ROS1: variants seen among roughly 807,000 people sequenced by gnomAD.
The protein encoded by ROS1 is ROS proto-oncogene 1, receptor tyrosine kinase, also known as proto-oncogene tyrosine-protein kinase ROS.
ROS1 carries 263 observed loss-of-function variants against 273.5 expected under a neutral mutation model. The ratio of observed to expected loss-of-function variants is 0.96; its 90% confidence interval spans 0.87 to 1.06. ROS1 has a LOEUF of 1.06. ROS1 is among the 50% of genes least tolerant of loss of function. The pLI, the probability that ROS1 is intolerant of heterozygous loss-of-function variation, is 0.00. For synonymous variants in ROS1, 1,008 were observed against 954.1 expected (o/e 1.06, Z -1.04); for missense variants, 2,833 against 2,751.1 (o/e 1.03, Z -0.67).
chr6:117,301,114 C>T lies in ROS1; in HGVS notation c.6575G>A (p.Trp2192Ter), dbSNP rs775088466. The T allele has an allele frequency of 6.3e-7, 1 of 1,596,726 alleles. No homozygotes were observed. Among genetic ancestry groups the T allele is most frequent in the Admixed American group, 1.8e-5 (1 of 56,630 alleles). The change falls in exon 43 of 44, where the codon TGG becomes TAG. Residue 2192 changes from tryptophan (W) to a stop codon, truncating the protein, a stop_gained. Coordinates refer to ENST00000368507, the MANE Select transcript of ROS1 (RefSeq NM_001378902.1). LOFTEE classifies it high-confidence loss of function. ...DDLWNLMTQC[W>*]AQEPDQRPTF... Reference sequence around the variant, plus strand: ...AGGTCTTTGGTCGGGTTCTTGAGCCCAGCACTGGGTCATTAAATTCCACCT... The same window carrying T: ...AGGTCTTTGGTCGGGTTCTTGAGCCTAGCACTGGGTCATTAAATTCCACCT...
chr6:117,363,213 C>A (rs1332252431), intron 21 of ROS1, among the ~76,000 whole-genome samples: 1 of 152,122 alleles, frequency 6.6e-6, no homozygotes, highest in African/African-American at 2.4e-5. Context: ...TTTATCCTGA[C>A]AGAGTGATTT....
intron 29 of ROS1, 21 bp from the exon 30 acceptor site, chr6:117,341,653 T>A: frequency 6.4e-7 from 1 of 1,561,864 alleles, no homozygotes; most frequent in Non-Finnish European, 8.8e-7. Context: ...TAGCAAGGAA[T>A]GATAAAGGAT....
intron 33 of ROS1, chr6:117,328,600 C>T (rs1776816848): frequency 2.3e-6 from 1 of 442,196 alleles, no homozygotes; most frequent in Admixed American, 3.2e-5. Context: ...GTTGCCAGGA[C>T]TATAATTATG....
intron 18 of ROS1, among the ~76,000 whole-genome samples, chr6:117,376,224 G>A (rs905179288): frequency 6.6e-6 from 1 of 152,032 alleles, no homozygotes; most frequent in African/African-American, 2.4e-5. Flanking sequence ...ACATTAAAAT[G>A]ATATTAAGAG....
At chr6:117,390,523 A>T (rs553765599) in intron 12 of ROS1, among the ~76,000 whole-genome samples, 1 of 152,362 alleles carries the variant, frequency 6.6e-6, no homozygotes, top group South Asian at 2.1e-4. Flanking sequence ...TCCAAAAAAC[A>T]CACATCCTTA....
chr6:117,292,682 C>A (rs1164764705), intron 43 of ROS1, among the ~76,000 whole-genome samples: 1 of 152,224 alleles, frequency 6.6e-6, no homozygotes, highest in Non-Finnish European at 1.5e-5. Context: ...GTGTCCTGGA[C>A]TTCTCCGCTT....
intron 34 of ROS1, among the ~76,000 whole-genome samples, chr6:117,325,746 T>C (rs941494501): frequency 6.6e-6 from 1 of 152,022 alleles, no homozygotes; most frequent in Non-Finnish European, 1.5e-5. Context: ...AAATCACATA[T>C]GGCACTGAGA....
At chr6:117,372,971 G>A (rs551023186) in intron 18 of ROS1, among the ~76,000 whole-genome samples, 59 of 152,286 alleles carry the variant, frequency 3.9e-4, no homozygotes, top group African/African-American at 1.3e-3. Context: ...TGATTGGTCC[G>A]TTTTGATAGG....
intron 32 of ROS1, among the ~76,000 whole-genome samples, chr6:117,334,903 G>A (rs1022351199): frequency 6.6e-6 from 1 of 152,096 alleles, no homozygotes; most frequent in African/African-American, 2.4e-5. Context: ...AGAAAACCTA[G>A]GCAATACCAT....
At chr6:117,339,025 C>T (rs1777695908) in intron 31 of ROS1, among the ~76,000 whole-genome samples, 1 of 152,034 alleles carries the variant, frequency 6.6e-6, no homozygotes, top group Admixed American at 6.6e-5. Flanking sequence ...TTATTTGTTT[C>T]CTCCCCATTT....
intron 18 of ROS1, among the ~76,000 whole-genome samples, chr6:117,378,214 A>G (rs1781496117): frequency 6.6e-6 from 1 of 152,212 alleles, no homozygotes; most frequent in Admixed American, 6.5e-5. Context: ...TTGTATACAA[A>G]TATTCAGTTT....
intron 5 of ROS1, among the ~76,000 whole-genome samples, chr6:117,409,024 T>C (rs1488322654): frequency 8.0e-6 from 1 of 125,624 alleles, no homozygotes; most frequent in Non-Finnish European, 1.6e-5. Flanking sequence ...TGAGAACACA[T>C]GGACACAGGA....
chr6:117,402,278 G>A (rs2128723032), intron 7 of ROS1, among the ~76,000 whole-genome samples: 1 of 152,266 alleles, frequency 6.6e-6, no homozygotes, highest in East Asian at 1.9e-4. Context: ...GGCCACAGAT[G>A]TTCTTGCCTT....
chr6:117,291,484 CAT>C (rs1773834585), intron 43 of ROS1, among the ~76,000 whole-genome samples: 1 of 152,130 alleles, frequency 6.6e-6, no homozygotes, highest in Non-Finnish European at 1.5e-5. Context: ...CTATTGGTAA[CAT>C]AACTGGGGAT....
intron 35 of ROS1, among the ~76,000 whole-genome samples, chr6:117,322,383 T>G (rs1172139552): frequency 6.6e-6 from 1 of 152,168 alleles, no homozygotes; most frequent in Non-Finnish European, 1.5e-5. Flanking sequence ...AAAGACTAAT[T>G]GCGCCTCTCT....
At chr6:117,339,009 A>G (rs946488948) in intron 31 of ROS1, among the ~76,000 whole-genome samples, 1 of 152,074 alleles carries the variant, frequency 6.6e-6, no homozygotes, top group African/African-American at 2.4e-5. Context: ...AAATTACCAA[A>G]CAAAATTATT....
chr6:117,321,219 T>C lies in ROS1; in HGVS notation c.5759+40A>G, dbSNP rs763552817. ...GCACTCTCCTTACTGTTGCCCACCC[T>C]TTGCCTAGGTGCTCCATAATGATGG... is the stretch of plus-strand genomic sequence containing the variant. On this transcript the variant is annotated intron_variant, in intron 36 of 43. Coordinates refer to ENST00000368507, the MANE Select transcript of ROS1 (RefSeq NM_001378902.1). 7 of 1,600,698 alleles carry C rather than the reference T, an allele frequency of 4.4e-6. No homozygotes were observed. In the Admixed American group the frequency reaches 1.2e-4, roughly 28 times the overall value.
chr6:117,411,120 T>A (rs546326873), intron 4 of ROS1, among the ~76,000 whole-genome samples: 16 of 152,274 alleles, frequency 1.1e-4, no homozygotes, highest in Admixed American at 3.9e-4. Flanking sequence ...TTTTTTCTGA[T>A]ATTTTCAGGG....
At chr6:117,327,557 T>C (rs1470418991) in intron 33 of ROS1, among the ~76,000 whole-genome samples, 2 of 152,192 alleles carry the variant, frequency 1.3e-5, no homozygotes, top group African/African-American at 4.8e-5. Flanking sequence ...ATAACGTTGT[T>C]TTAATTCACT....
Sources: gnomAD v4.1 joint callset for allele counts (sites outside exome capture counted in the v4.1 genomes callset) on GRCh38, gnomAD v4.1.1 for gene constraint, MANE v1.5 for transcripts, NCBI Gene and HGNC (gene_info 2026-07-23, HGNC 2026-07-21) for gene names.